Variants in APOB observed in about 807,000 individuals in gnomAD.
APOB encodes the protein apolipoprotein B-100.
In APOB, 153 loss-of-function variants were observed where a neutral mutation model predicts 314.1. That is an observed-to-expected ratio of 0.49 (90% CI 0.43 to 0.56). APOB has a LOEUF of 0.56. APOB is among the 20% of genes least tolerant of loss of function. The pLI is 0.00. For synonymous variants in APOB, 2,087 were observed against 2,036.4 expected (o/e 1.02, Z -0.67); for missense variants, 5,430 against 5,350.7 (o/e 1.01, Z -0.46).
At chr2:21,040,861 G>A (rs902323139) in intron 4 of APOB, 77 bp downstream of exon 4, 54 of 1,521,340 alleles carry the variant, frequency 3.5e-5, no homozygotes, top group Middle Eastern at 2.0e-4. Context: ...AGTCACATCC[G>A]TGCCTGGTGC....
At chr2:21,003,380 A>C in intron 28 of APOB, 46 bp from the exon 29 acceptor site, 1 of 1,512,228 alleles carries the variant, frequency 6.6e-7, no homozygotes, top group East Asian at 2.2e-5. Flanking sequence ...AATTACTCCA[A>C]TTACACAATA....
chr2:21,007,874 G>A lies in APOB; in HGVS notation c.8994C>T (p.Gly2998=), dbSNP rs139332237. 4.5e-5 allele frequency: 72 copies of A among 1,614,074 alleles called. No individual in the cohort carries two copies. In the African/African-American group the frequency reaches 9.1e-4, roughly 20 times the overall value. ...TGCCTTTAGCAGTTAGAACACTGTG[G>A]CCCACATGCTGGGAATCGACTTGTG... ...IQSQVDSQHV[G]HSVLTAKGMA... The change falls in exon 26 of 29, where the codon GGC becomes GGT. Residue 2998 remains glycine (G), a synonymous_variant. Transcript: ENST00000233242.
chr2:21,042,549 A>G (rs1439368285), intron 2 of APOB, 73 bp from the exon 3 acceptor site: 2 of 1,039,370 alleles, frequency 1.9e-6, no homozygotes, highest in Admixed American at 1.7e-5. Flanking sequence ...CTGGGCAGAG[A>G]GGGGCAGTGG....
At position 21,009,482 on chromosome 2, in the gene APOB, T is replaced by G. The variant is rs1393134507; in HGVS notation, c.7386A>C (p.Lys2462Asn). 1 of 1,614,122 alleles carries G rather than the reference T, an allele frequency of 6.2e-7. No individual in the cohort carries two copies. The highest frequency in any genetic ancestry group is 2.2e-5 in the East Asian group (1 of 44,882). ...CTAAAAACAGTTTTAATGCTTCAGC[T>G]TTTTGTGGTAGTTCCAGAGCCTGAA... ...GEIQALELPQ[K>N]AEALKLFLEE... The change falls in exon 26 of 29, where the codon AAA (lysine) becomes AAC (asparagine). Residue 2462 changes from lysine to asparagine, a missense_variant. Transcript: ENST00000233242.
chr2:21,033,434 T>C lies in APOB; in HGVS notation c.989A>G (p.Gln330Arg). The C allele has an allele frequency of 6.2e-7, 1 of 1,614,198 alleles. No individual in the cohort carries two copies. The highest frequency in any genetic ancestry group is 8.5e-7 in the Non-Finnish European group (1 of 1,180,036). ...KQAEAVLKTL[Q>R]ELKKLTISEQ... ...AGAGATGGTTAGTTTTTTCAGTTCC[T>C]GGAGAGTCTTCAAAACAGCTTCGGC... The change falls in exon 9 of 29, where the codon CAG becomes CGG. Residue 330 changes from glutamine to arginine, a missense_variant. By Grantham distance (43) the Gln-to-Arg change is conservative. This residue lies in a region of APOB where 2,085 missense variants were observed against 2,079.7 expected (regional missense o/e 1.00). Transcript: ENST00000233242.
In APOB at chr2:21,006,700, T is replaced by C; in HGVS notation, c.10168A>G (p.Lys3390Glu). ...GCTGTGGCTAACTTCAATCCCCTTT[T>C]TCTTGTCAATCTTGTGGTGCCCTCT... ...KLEGTTRLTR[K>E]RGLKLATALS... The change falls in exon 26 of 29, where the codon AAA (lysine) becomes GAA (glutamate). Residue 3390 changes from lysine (K) to glutamate (E), a missense_variant. Lys to Glu is a moderately conservative substitution (Grantham distance 56, BLOSUM62 1). Coordinates refer to ENST00000233242, the MANE Select transcript of APOB (RefSeq NM_000384.3). 1 of 1,614,116 alleles carries C rather than the reference T, an allele frequency of 6.2e-7. No individual in the cohort carries two copies. Among genetic ancestry groups the C allele is most frequent in the Non-Finnish European group, 8.5e-7 (1 of 1,179,970 alleles).
Position 21,044,031 on chromosome 2 carries a change from G to A in APOB, c.-86C>T. On this transcript the variant is annotated 5_prime_UTR_variant, in exon 1 of 29. Transcript: ENST00000233242. ...TGGCTGGGCGGGCTCCTCAGCGGCA[G>A]CAACCGAGAAGGGCACTCAGCCCCG... The A allele has an allele frequency of 1.5e-6, 1 of 657,730 alleles. No homozygotes were observed. Among genetic ancestry groups the A allele is most frequent in the Non-Finnish European group, 2.1e-6 (1 of 474,130 alleles). The allele number at this position is 657,730 out of a possible 1,614,324, so 40.7% of individuals were successfully genotyped here.
rs150068105 is a variant in APOB at position 21,010,758 on chromosome 2, A to C, written c.6110T>G (p.Ile2037Ser). 2.5e-6 allele frequency: 4 copies of C among 1,614,158 alleles called. No homozygotes were observed. Among genetic ancestry groups the C allele is most frequent in the Non-Finnish European group, 2.5e-6 (3 of 1,179,998 alleles). ...PLLLSEPINIIDALEMRDAVE... is the reference protein window; with the variant it reads ...PLLLSEPINISDALEMRDAVE... ...GGCATCTCTCATCTCTAAAGCATCA[A>C]TGATATTGATGGGCTCACTGAGTAA... Residue 2037 changes from isoleucine to serine, a missense_variant, in exon 26 of 29, where the codon ATT becomes AGT. Ile to Ser is a moderately radical substitution (Grantham distance 142). Coordinates refer to ENST00000233242, the MANE Select transcript of APOB (RefSeq NM_000384.3).
At chr2:21,040,149 C>T (rs1380253217) in intron 4 of APOB, among the ~76,000 whole-genome samples, 1 of 152,170 alleles carries the variant, frequency 6.6e-6, no homozygotes, top group Non-Finnish European at 1.5e-5. Context: ...TCTTTGCCAG[C>T]CACCATCTAC....
intron 2 of APOB, among the ~76,000 whole-genome samples, chr2:21,043,228 A>C (rs1664175580): frequency 6.6e-6 from 1 of 152,046 alleles, no homozygotes; most frequent in Admixed American, 6.5e-5. Flanking sequence ...ACTGATAAAC[A>C]GGACAGTGAT....
intron 8 of APOB, 129 bp downstream of exon 8, chr2:21,034,687 T>C (rs1663957183): frequency 1.3e-6 from 1 of 750,002 alleles, no homozygotes; most frequent in Admixed American, 1.8e-5. Context: ...TCACTAGAGG[T>C]AGCCAGAACA....
intron 16 of APOB, chr2:21,024,206 G>A (rs1034208816): frequency 1.3e-5 from 2 of 152,486 alleles, no homozygotes; most frequent in Non-Finnish European, 2.9e-5. Context: ...TCAAGCCATA[G>A]GAGTACATTT....
At chr2:21,023,126 G>A (rs546660172) in intron 17 of APOB, 84 bp from the exon 18 acceptor site, 36 of 1,221,200 alleles carry the variant, frequency 2.9e-5, no homozygotes, top group Admixed American at 5.1e-5. Context: ...TCTCACCTCC[G>A]GGCAAAGATT....
intron 12 of APOB, among the ~76,000 whole-genome samples, 154 bp downstream of exon 12, chr2:21,029,481 AAGGG>A (rs1234023491): frequency 1.5e-5 from 2 of 136,566 alleles, no homozygotes; most frequent in South Asian, 2.9e-4. Flanking sequence ...GGAAAGAAGA[AAGGG>A]AGGGAGGGAG....
chr2:21,009,051 G>C lies in APOB; in HGVS notation c.7817C>G (p.Ala2606Gly), dbSNP rs1385175880. The change falls in exon 26 of 29, where the codon GCT becomes GGT. Residue 2606 changes from alanine (A) to glycine (G), a missense_variant. Physicochemically the swap from Ala to Gly is moderately conservative, Grantham distance 60 (BLOSUM62 0). Around this residue, in one of 3 missense-constraint regions of APOB, gnomAD observed 3,281 missense variants for 3,171.0 expected, o/e 1.03. Coordinates refer to ENST00000233242, the MANE Select transcript of APOB (RefSeq NM_000384.3). ...TMPAFEVSLQ[A>G]LQKATFQTPD... ...TGTCTGGAAGGTAGCTTTCTGAAGA[G>C]CCTGAAGACTGACTTCAAAGGCAGG... 1 of 1,614,076 alleles carries C rather than the reference G, an allele frequency of 6.2e-7. No homozygotes were observed. The highest frequency in any genetic ancestry group is 8.5e-7 in the Non-Finnish European group (1 of 1,179,944).
At position 21,015,102 on chromosome 2, in the gene APOB, A is replaced by G; in HGVS notation, c.3667T>C (p.Phe1223Leu). 6.2e-7 allele frequency: 1 copy of G among 1,614,174 alleles called. No individual in the cohort carries two copies. The highest frequency in any genetic ancestry group is 8.5e-7 in the Non-Finnish European group (1 of 1,180,036). The part of the protein sequence containing the change: ...DHRVPQTDMT[F>L]RHVGSKLIVA... ...ATTAATTTGGAACCCACGTGCCGGA[A>G]AGTCATGTCTGTTTGAGGGACTCTG... is the stretch of plus-strand genomic sequence containing the variant. The change falls in exon 23 of 29, where the codon TTC (phenylalanine) becomes CTC (leucine). Residue 1223 changes from phenylalanine (F) to leucine (L), a missense_variant. Physicochemically the swap from Phe to Leu is conservative, Grantham distance 22 (BLOSUM62 0). This residue lies in a region of APOB where 2,085 missense variants were observed against 2,079.7 expected (regional missense o/e 1.00). Transcript: ENST00000233242.
chr2:21,005,631 A>C lies in APOB; in HGVS notation c.11237T>G (p.Met3746Arg). 1 of 1,614,100 alleles carries C rather than the reference A, an allele frequency of 6.2e-7. No individual in the cohort carries two copies. The highest frequency in any genetic ancestry group is 8.5e-7 in the Non-Finnish European group (1 of 1,179,968). ...KLNDLNSVLVMPTFHVPFTDL... is the reference protein window; with the variant it reads ...KLNDLNSVLVRPTFHVPFTDL... ...TGTAAATGGGACATGGAACGTAGGC[A>C]TGACAAGAACTGAATTTAGATCATT... Residue 3746 changes from methionine (M) to arginine (R), a missense_variant, in exon 26 of 29, where the codon ATG (methionine) becomes AGG (arginine). Met to Arg is a moderately conservative substitution (Grantham distance 91). Coordinates refer to ENST00000233242, the MANE Select transcript of APOB (RefSeq NM_000384.3).
chr2:21,023,481 A>G (rs1027585021), intron 17 of APOB, 44 bp downstream of exon 17: 3 of 1,607,376 alleles, frequency 1.9e-6, no homozygotes, highest in Non-Finnish European at 2.6e-6. Flanking sequence ...GCACCCTGGA[A>G]GAAAGTAATA....
Position 21,010,272 on chromosome 2 carries a change from G to A in APOB, c.6596C>T (p.Ala2199Val), listed in dbSNP as rs1051387461. 7.7e-6 allele frequency: 12 copies of A among 1,551,588 alleles called. No individual in the cohort carries two copies. The highest frequency in any genetic ancestry group is 1.7e-4 in the Middle Eastern group (1 of 5,774). The stretch of plus-strand genomic sequence containing the variant: ...TTCAATGATTTCATCAATAATATTA[G>A]CAATAGCTATTTTCAAATCATGTAA... Reference protein sequence around the residue: ...YDLHDLKIAIANIIDEIIEKL... With the variant: ...YDLHDLKIAIVNIIDEIIEKL... The change falls in exon 26 of 29, where the codon GCT becomes GTT. Residue 2199 changes from alanine (A) to valine (V), a missense_variant. Physicochemically the swap from Ala to Val is moderately conservative, Grantham distance 64. Around this residue, in one of 3 missense-constraint regions of APOB, gnomAD observed 3,281 missense variants for 3,171.0 expected, o/e 1.03. Coordinates refer to ENST00000233242, the MANE Select transcript of APOB (RefSeq NM_000384.3).
Sources: gnomAD v4.1 joint callset for allele counts (sites outside exome capture counted in the v4.1 genomes callset) on GRCh38, gnomAD v4.1.1 for gene constraint, gnomAD v4.1.1 regional missense constraint, MANE v1.5 for transcripts, NCBI Gene and HGNC (gene_info 2026-07-23, HGNC 2026-07-21) for gene names.